Variants in KLHL29 observed in about 807,000 individuals in gnomAD.
The protein encoded by KLHL29 is kelch like family member 29, also known as kelch-like protein 29.
KLHL29 carries 21 observed loss-of-function variants against 80.4 expected under a neutral mutation model. The observed-to-expected ratio is 0.26, with a 90% CI of 0.19 to 0.38. The LOEUF (loss-of-function observed/expected upper bound fraction) is 0.38. KLHL29 is among the 10% of genes least tolerant of loss of function. The pLI is 1.00. For synonymous variants in KLHL29, 511 were observed against 526.8 expected (o/e 0.97, Z 0.41); for missense variants, 867 against 1,223.9 (o/e 0.71, Z 4.35).
At chr2:23,636,486 C>T (rs1669612854) in intron 3 of KLHL29, among the ~76,000 whole-genome samples, 1 of 152,142 alleles carries the variant, frequency 6.6e-6, no homozygotes. Context: ...AACGACACAG[C>T]CAAACAGCAG....
At chr2:23,468,342 A>T (rs1664406306) in intron 1 of KLHL29, among the ~76,000 whole-genome samples, 3 of 152,180 alleles carry the variant, frequency 2.0e-5, no homozygotes, top group Admixed American at 2.0e-4. Flanking sequence ...AATGAAGCTC[A>T]GGTGGTGCTG....
chr2:23,628,287 C>T (rs190444261), intron 3 of KLHL29, among the ~76,000 whole-genome samples: 1 of 152,278 alleles, frequency 6.6e-6, no homozygotes, highest in East Asian at 1.9e-4. Context: ...AATGGAGACT[C>T]AGTCTTGGGG....
chr2:23,696,424 C>A lies in KLHL29; in HGVS notation c.2016C>A (p.Pro672=). Residue 672 remains proline (P), a synonymous_variant, in exon 11 of 14, where the codon CCC becomes CCA. Coordinates refer to ENST00000486442, the MANE Select transcript of KLHL29 (RefSeq NM_052920.2). The surrounding 1 kb of genome is among the most constrained non-coding windows in gnomAD (Gnocchi z 5.5). Reference sequence around the variant, plus strand: ...ACCTCGTCTCCAGAATGACAGTCCCCCGCTGTCGGCACAATAGCCTCGTCT... The same window carrying A: ...ACCTCGTCTCCAGAATGACAGTCCCACGCTGTCGGCACAATAGCCTCGTCT... The part of the protein sequence containing the change: ...NWNLVSRMTV[P]RCRHNSLVYD... 1 of 1,551,474 alleles carries A rather than the reference C, an allele frequency of 6.4e-7. No homozygotes were observed. Among genetic ancestry groups the A allele is most frequent in the Non-Finnish European group, 8.7e-7 (1 of 1,146,878 alleles).
intron 1 of KLHL29, among the ~76,000 whole-genome samples, chr2:23,462,323 C>T (rs1664237647): frequency 6.6e-6 from 1 of 152,192 alleles, no homozygotes; most frequent in African/African-American, 2.4e-5. Context: ...AGGAAACAGG[C>T]TCTGTCTATG....
At chr2:23,567,481 C>T (rs1667615769) in intron 3 of KLHL29, among the ~76,000 whole-genome samples, 1 of 152,164 alleles carries the variant, frequency 6.6e-6, no homozygotes, top group Non-Finnish European at 1.5e-5. Context: ...CTCAAAACAC[C>T]CGGGTTTTGA....
chr2:23,505,883 C>A (rs1438466076), intron 2 of KLHL29, among the ~76,000 whole-genome samples: 2 of 152,166 alleles, frequency 1.3e-5, no homozygotes, highest in African/African-American at 4.8e-5. Context: ...GACACCTGAC[C>A]CAGTTCAGGA....
In KLHL29 at chr2:23,386,017, T is replaced by G. The variant is rs1423231822; in HGVS notation, c.-154+237T>G. 3.3e-5 allele frequency among the ~76,000 whole-genome samples: 5 copies of G among 152,078 alleles called. No homozygotes were observed. In the South Asian group the frequency reaches 1.0e-3, roughly 32 times the overall value. On this transcript the variant is annotated intron_variant, in intron 1 of 13. Coordinates refer to ENST00000486442, the MANE Select transcript of KLHL29 (RefSeq NM_052920.2). Reference sequence around the variant, plus strand: ...GGGAAAAAAAGGGGGGGAAAAAACTTCCTGCCCCCGGGTGTGTATGCACCG... The same window carrying G: ...GGGAAAAAAAGGGGGGGAAAAAACTGCCTGCCCCCGGGTGTGTATGCACCG...
chr2:23,546,880 G>A (rs754113983), intron 2 of KLHL29, among the ~76,000 whole-genome samples: 3 of 152,206 alleles, frequency 2.0e-5, no homozygotes, highest in Non-Finnish European at 4.4e-5. Context: ...TGTGCTGGTG[G>A]CAGTAGGACC....
At chr2:23,698,611 A>ATAAT (rs1451037566) in intron 11 of KLHL29, among the ~76,000 whole-genome samples, 5 of 152,232 alleles carry the variant, frequency 3.3e-5, no homozygotes, top group Non-Finnish European at 5.9e-5. Flanking sequence ...GCAAGATTAT[A>ATAAT]TAATTATAGA....
intron 2 of KLHL29, among the ~76,000 whole-genome samples, chr2:23,539,335 G>A (rs975999848): frequency 6.6e-6 from 1 of 151,444 alleles, no homozygotes; most frequent in Non-Finnish European, 1.5e-5. Context: ...GAAAGGAATT[G>A]ATTTCAGTTA....
At chr2:23,482,225 G>A (rs1373049621) in intron 2 of KLHL29, among the ~76,000 whole-genome samples, 1 of 152,236 alleles carries the variant, frequency 6.6e-6, no homozygotes, top group African/African-American at 2.4e-5. Context: ...GGGGCGCACA[G>A]CCGTCCAGTC....
intron 3 of KLHL29, among the ~76,000 whole-genome samples, chr2:23,589,497 C>G (rs1383956082): frequency 2.6e-5 from 4 of 152,260 alleles, no homozygotes; most frequent in Non-Finnish European, 5.9e-5. Flanking sequence ...GGTTTAGCTC[C>G]ACTCCACACT....
intron 11 of KLHL29, among the ~76,000 whole-genome samples, chr2:23,702,724 C>A (rs1021473023): frequency 6.6e-6 from 1 of 152,208 alleles, no homozygotes; most frequent in Admixed American, 6.5e-5. Flanking sequence ...TGTAATTATT[C>A]TTTGTGTGTT....
At chr2:23,674,520 A>G (rs1450527927) in intron 5 of KLHL29, among the ~76,000 whole-genome samples, 3 of 152,202 alleles carry the variant, frequency 2.0e-5, no homozygotes, top group Admixed American at 6.5e-5. Context: ...GGCCCCAACT[A>G]TCTATCCTGG....
At chr2:23,588,559 G>A (rs1290302856) in intron 3 of KLHL29, among the ~76,000 whole-genome samples, 1 of 152,240 alleles carries the variant, frequency 6.6e-6, no homozygotes, top group Non-Finnish European at 1.5e-5. Context: ...CAGATCCAGT[G>A]TGGTGCTTCT....
At chr2:23,615,173 C>G (rs1668972968) in intron 3 of KLHL29, among the ~76,000 whole-genome samples, 1 of 152,250 alleles carries the variant, frequency 6.6e-6, no homozygotes, top group African/African-American at 2.4e-5. Flanking sequence ...CAGGCCTTCT[C>G]CTGGGCTTCG....
At chr2:23,666,848 A>T (rs1670568049) in intron 5 of KLHL29, among the ~76,000 whole-genome samples, 1 of 152,214 alleles carries the variant, frequency 6.6e-6, no homozygotes, top group Non-Finnish European at 1.5e-5. Context: ...CTGTCCTCCC[A>T]GCAGCTATAA....
At position 23,695,474 on chromosome 2, in the gene KLHL29, C is replaced by G; in HGVS notation, c.1543-149C>G. On this transcript the variant is annotated intron_variant, in intron 8 of 13. Transcript: ENST00000486442. This position sits in a 1 kb window ranked among gnomAD's most constrained non-coding sequence, Gnocchi z 7.6. ...TCCAGCTGACTAGACTTCCCTTCACCTCTGTCTAGGCTAGCAGAGTATCTA... is the reference window on the plus strand; with the variant it reads ...TCCAGCTGACTAGACTTCCCTTCACGTCTGTCTAGGCTAGCAGAGTATCTA... The G allele has an allele frequency of 1.6e-6, 1 of 636,878 alleles. No individual in the cohort carries two copies. Among genetic ancestry groups the G allele is most frequent in the Non-Finnish European group, 2.6e-6 (1 of 378,104 alleles). 39.5% of individuals were successfully genotyped at this position (636,878 alleles called of 1,614,324 possible).
intron 5 of KLHL29, among the ~76,000 whole-genome samples, chr2:23,654,414 A>C (rs1430937014): frequency 6.6e-6 from 1 of 152,202 alleles, no homozygotes; most frequent in Non-Finnish European, 1.5e-5. Context: ...CCATCTGCTC[A>C]TGTGAACAGG....
Sources: allele counts gnomAD v4.1 joint callset (sites outside exome capture counted in the v4.1 genomes callset), GRCh38; gene constraint gnomAD v4.1.1; non-coding constraint Gnocchi (gnomAD v3.1); transcripts MANE v1.5; gene names NCBI Gene and HGNC (gene_info 2026-07-23, HGNC 2026-07-21).